The following L3MBTL4 variants were observed in gnomAD, a reference collection of about 807,000 sequenced individuals.
L3MBTL4 encodes the protein lethal(3)malignant brain tumor-like protein 4.
Under a neutral mutation model 84.5 loss-of-function variants are expected in L3MBTL4, and 70 were observed. The observed-to-expected ratio is 0.83, with a 90% CI of 0.68 to 1.01. The LOEUF (loss-of-function observed/expected upper bound fraction) is 1.01, where lower values mean the gene tolerates loss of function less well. Among genes scored for constraint, L3MBTL4 ranks in the 50% least tolerant of loss-of-function variants. L3MBTL4 has a pLI of 0.00. For synonymous variants in L3MBTL4, 274 were observed against 259.8 expected (o/e 1.05, Z -0.52); for missense variants, 715 against 754.8 (o/e 0.95, Z 0.62).
At chr18:6,097,279 C>G (rs1443298874) in intron 14 of L3MBTL4, among the ~76,000 whole-genome samples, 1 of 152,128 alleles carries the variant, frequency 6.6e-6, no homozygotes, top group Non-Finnish European at 1.5e-5. Flanking sequence ...AGTCCTCTTT[C>G]TTTATAATGG....
intron 16 of L3MBTL4, among the ~76,000 whole-genome samples, chr18:5,997,157 T>A (rs750652872): frequency 2.7e-4 from 40 of 150,670 alleles, no homozygotes; most frequent in Non-Finnish European, 5.3e-4. Flanking sequence ...TACGCTGTGT[T>A]AGGTATAAGT....
At chr18:6,363,137 A>G (rs909063219) in intron 1 of L3MBTL4, among the ~76,000 whole-genome samples, 13 of 152,040 alleles carry the variant, frequency 8.6e-5, no homozygotes, top group African/African-American at 2.6e-4. Flanking sequence ...TGGGAAAAAG[A>G]AGGAGAGAAA....
intron 16 of L3MBTL4, among the ~76,000 whole-genome samples, chr18:5,989,543 T>A (rs7240745): frequency 1.3e-5 from 2 of 152,068 alleles, no homozygotes; most frequent in East Asian, 3.9e-4. Context: ...TGTAAAACCA[T>A]TGTAGAGCAA....
intron 1 of L3MBTL4, among the ~76,000 whole-genome samples, chr18:6,315,986 CA>C (rs201503340): frequency 0.032 from 4,771 of 146,978 alleles, 186 homozygotes; most frequent in East Asian, 0.082. Context: ...CAAAGGGTAT[CA>C]ACAGAGGTTG....
At chr18:6,391,050 A>C (rs341215) in intron 1 of L3MBTL4, among the ~76,000 whole-genome samples, 78,514 of 151,906 alleles carry the variant, frequency 0.52, 20,354 homozygotes, top group East Asian at 0.59. Flanking sequence ...GTCTACAGAC[A>C]AATATCCCTG....
intron 1 of L3MBTL4, among the ~76,000 whole-genome samples, chr18:6,332,620 T>C (rs1385603883): frequency 6.6e-6 from 1 of 152,190 alleles, no homozygotes; most frequent in African/African-American, 2.4e-5. Flanking sequence ...GTTAGATTCA[T>C]AGAATGTAAG....
chr18:6,093,831 C>A (rs1964447414), intron 14 of L3MBTL4, among the ~76,000 whole-genome samples: 1 of 152,182 alleles, frequency 6.6e-6, no homozygotes, highest in South Asian at 2.1e-4. Context: ...TGGAACAATG[C>A]AAATGTCACA....
intron 5 of L3MBTL4, among the ~76,000 whole-genome samples, chr18:6,251,037 T>A (rs2047901885): frequency 6.6e-6 from 1 of 152,196 alleles, no homozygotes; most frequent in Non-Finnish European, 1.5e-5. Flanking sequence ...TTGATGACTT[T>A]CTTCACTCAA....
intron 16 of L3MBTL4, among the ~76,000 whole-genome samples, chr18:5,992,816 C>T (rs773153953): frequency 5.9e-5 from 9 of 152,322 alleles, no homozygotes; most frequent in South Asian, 4.1e-4. Flanking sequence ...CCAGAAGCCA[C>T]GCAGGTGCCG....
intron 3 of L3MBTL4, among the ~76,000 whole-genome samples, chr18:6,305,026 T>C (rs2050520677): frequency 6.6e-6 from 1 of 152,198 alleles, no homozygotes; most frequent in Non-Finnish European, 1.5e-5. Context: ...ACCTCTCACT[T>C]TGGATTTAAA....
chr18:6,168,142 G>A (rs1020599851), intron 13 of L3MBTL4, among the ~76,000 whole-genome samples: 13 of 152,036 alleles, frequency 8.6e-5, no homozygotes, highest in Admixed American at 1.3e-4. Flanking sequence ...CCTCTTCAAG[G>A]AGAACTACAA....
At chr18:6,015,038 G>A (rs923211363) in intron 16 of L3MBTL4, among the ~76,000 whole-genome samples, 3 of 152,008 alleles carry the variant, frequency 2.0e-5, no homozygotes, top group Non-Finnish European at 4.4e-5. Flanking sequence ...GGAGGTTTGC[G>A]GGGAGGAAAG....
At chr18:6,164,139 G>A (rs551671106) in intron 13 of L3MBTL4, among the ~76,000 whole-genome samples, 13 of 152,330 alleles carry the variant, frequency 8.5e-5, no homozygotes, top group African/African-American at 2.2e-4. Flanking sequence ...GGGTAGGGGC[G>A]CCCACCATTG....
chr18:6,366,026 C>T (rs979501190), intron 1 of L3MBTL4, among the ~76,000 whole-genome samples: 20 of 152,080 alleles, frequency 1.3e-4, no homozygotes, highest in South Asian at 6.2e-4. Context: ...GGAAGGTGGC[C>T]GTGGCATACT....
intron 12 of L3MBTL4, among the ~76,000 whole-genome samples, chr18:6,176,838 C>T (rs185908730): frequency 1.3e-5 from 2 of 152,044 alleles, no homozygotes; most frequent in Non-Finnish European, 2.9e-5. Flanking sequence ...GAGCAAAAGA[C>T]TCAATGAACA....
At chr18:6,207,543 G>C (rs2045925612) in intron 12 of L3MBTL4, among the ~76,000 whole-genome samples, 1 of 152,124 alleles carries the variant, frequency 6.6e-6, no homozygotes, top group Admixed American at 6.6e-5. Context: ...ATTAACTGAG[G>C]CACGTTCACC....
intron 4 of L3MBTL4, among the ~76,000 whole-genome samples, chr18:6,288,667 G>A (rs913871532): frequency 1.3e-5 from 2 of 151,616 alleles, no homozygotes; most frequent in Non-Finnish European, 2.9e-5. Flanking sequence ...TAACTTTAAG[G>A]TTTACTTAGG....
chr18:6,375,511 G>A (rs1368130245), intron 1 of L3MBTL4, among the ~76,000 whole-genome samples: 1 of 151,940 alleles, frequency 6.6e-6, no homozygotes, highest in Non-Finnish European at 1.5e-5. Context: ...CCACCACCCC[G>A]ATCCCAGGCT....
chr18:6,028,689 G>T (rs923643820), intron 16 of L3MBTL4, among the ~76,000 whole-genome samples: 1 of 152,128 alleles, frequency 6.6e-6, no homozygotes, highest in Non-Finnish European at 1.5e-5. Context: ...TTTTCCATTT[G>T]TTTGTGTCCT....
Sources: allele counts gnomAD v4.1 joint callset (sites outside exome capture counted in the v4.1 genomes callset), GRCh38; gene constraint gnomAD v4.1.1; transcripts MANE v1.5; gene names NCBI Gene and HGNC (gene_info 2026-07-23, HGNC 2026-07-21).